CDH4: variants seen among roughly 807,000 people sequenced by gnomAD.
CDH4 encodes the protein cadherin-4.
A neutral mutation model predicts 86.0 loss-of-function variants in CDH4; 33 were observed. The observed-to-expected ratio is 0.38, with a 90% confidence interval of 0.29 to 0.51. The LOEUF (loss-of-function observed/expected upper bound fraction) is 0.51, where lower values mean the gene tolerates loss of function less well. Among genes scored for constraint, CDH4 ranks in the 20% least tolerant of loss-of-function variants. The pLI is 0.86. For synonymous variants in CDH4, 555 were observed against 549.4 expected (o/e 1.01, Z -0.14); for missense variants, 1,114 against 1,307.4 (o/e 0.85, Z 2.28).
At chr20:61,920,227 G>A (rs1740372) in intron 9 of CDH4, among the ~76,000 whole-genome samples, 110,945 of 149,708 alleles carry the variant, frequency 0.74, 43,537 homozygotes, top group Non-Finnish European at 0.88. Context: ...ATGGTGTCAC[G>A]GTGATTGCAT....
intron 2 of CDH4, among the ~76,000 whole-genome samples, chr20:61,399,538 G>A (rs2085038306): frequency 6.6e-6 from 1 of 152,124 alleles, no homozygotes; most frequent in South Asian, 2.1e-4. Flanking sequence ...CTCCCTCTAT[G>A]ACCACCCCAG....
chr20:61,761,438 C>G (rs1400070601), intron 3 of CDH4, among the ~76,000 whole-genome samples: 1 of 152,202 alleles, frequency 6.6e-6, no homozygotes. Flanking sequence ...ATTTCCACGG[C>G]AGACTCCTAT....
intron 2 of CDH4, among the ~76,000 whole-genome samples, chr20:61,525,895 C>T (rs1052950751): frequency 3.3e-5 from 5 of 152,164 alleles, no homozygotes; most frequent in African/African-American, 9.6e-5. Flanking sequence ...GCGGAGCCAC[C>T]GGGAAGGAAA....
chr20:61,272,218 G>A (rs1232070138), intron 2 of CDH4, among the ~76,000 whole-genome samples: 1 of 152,168 alleles, frequency 6.6e-6, no homozygotes, highest in African/African-American at 2.4e-5. Flanking sequence ...GATTCTGGAA[G>A]GATATCAATC....
intron 2 of CDH4, among the ~76,000 whole-genome samples, chr20:61,731,636 G>A (rs560942486): frequency 1.9e-4 from 29 of 152,318 alleles, no homozygotes; most frequent in East Asian, 3.9e-4. Context: ...CCAGCGGGAC[G>A]CCTCCTGCCA....
intron 6 of CDH4, among the ~76,000 whole-genome samples, chr20:61,858,323 GTC>G (rs377560491): frequency 7.3e-4 from 28 of 38,494 alleles, no homozygotes; most frequent in Non-Finnish European, 1.7e-3. Context: ...GTGTGTCTGT[GTC>G]TGTCTGTGTC....
chr20:61,725,727 G>A (rs562689774), intron 2 of CDH4, among the ~76,000 whole-genome samples: 6 of 150,960 alleles, frequency 4.0e-5, no homozygotes, highest in African/African-American at 1.5e-4. Flanking sequence ...CATCTGCAGA[G>A]AGACACAAGG....
chr20:61,824,994 A>G (rs371061593), intron 4 of CDH4, among the ~76,000 whole-genome samples: 23 of 152,294 alleles, frequency 1.5e-4, no homozygotes, highest in African/African-American at 5.5e-4. Flanking sequence ...TTATCCCATA[A>G]CAACAGCTAT....
At chr20:61,263,446 G>T (rs1039288694) in intron 2 of CDH4, among the ~76,000 whole-genome samples, 6 of 152,176 alleles carry the variant, frequency 3.9e-5, no homozygotes, top group African/African-American at 1.4e-4. Flanking sequence ...CAGGAAGGAG[G>T]GGAGGAGCTG....
intron 2 of CDH4, among the ~76,000 whole-genome samples, chr20:61,626,204 C>A (rs866609710): frequency 6.6e-6 from 1 of 152,142 alleles, no homozygotes; most frequent in Non-Finnish European, 1.5e-5. Context: ...ATTGAACTGT[C>A]GACTGGGTCA....
chr20:61,932,774 G>T (rs371396000), intron 13 of CDH4, among the ~76,000 whole-genome samples: 2 of 152,370 alleles, frequency 1.3e-5, no homozygotes, highest in African/African-American at 4.8e-5. Flanking sequence ...ACGCACGTGG[G>T]CCGCACATGT....
intron 8 of CDH4, among the ~76,000 whole-genome samples, chr20:61,899,010 G>C (rs56153427): frequency 0.33 from 50,470 of 152,126 alleles, 9,374 homozygotes; most frequent in Middle Eastern, 0.47. Flanking sequence ...TAAAAGAAGA[G>C]GGAGGGCCGG....
intron 2 of CDH4, among the ~76,000 whole-genome samples, chr20:61,519,088 C>T (rs550157227): frequency 1.3e-5 from 2 of 152,346 alleles, no homozygotes; most frequent in South Asian, 4.1e-4. Context: ...CATCACCCCT[C>T]CAGTGGCCAA....
chr20:61,901,377 ATGT>A (rs2075158426), intron 8 of CDH4, among the ~76,000 whole-genome samples: 1 of 152,258 alleles, frequency 6.6e-6, no homozygotes, highest in Non-Finnish European at 1.5e-5. Context: ...AAAAGCAATA[ATGT>A]TGTAATGTCC....
intron 2 of CDH4, among the ~76,000 whole-genome samples, chr20:61,674,376 A>T (rs1414036758): frequency 6.6e-6 from 1 of 152,204 alleles, no homozygotes; most frequent in Non-Finnish European, 1.5e-5. Flanking sequence ...AAGCAGCATC[A>T]GGCTAAGGAG....
At chr20:61,783,387 C>T (rs1172218539) in intron 4 of CDH4, among the ~76,000 whole-genome samples, 1 of 152,214 alleles carries the variant, frequency 6.6e-6, no homozygotes, top group Non-Finnish European at 1.5e-5. Context: ...TTAAATACAG[C>T]TAAAGTGACA....
intron 4 of CDH4, among the ~76,000 whole-genome samples, chr20:61,831,933 G>A (rs1981636624): frequency 6.6e-6 from 1 of 152,264 alleles, no homozygotes; most frequent in Non-Finnish European, 1.5e-5. Flanking sequence ...AGGACTGGCT[G>A]GAAGCCTCGG....
chr20:61,635,347 G>A (rs112795928), intron 2 of CDH4, among the ~76,000 whole-genome samples: 323 of 152,298 alleles, frequency 2.1e-3, no homozygotes, highest in African/African-American at 7.4e-3. Flanking sequence ...ATTGTGAAAT[G>A]GTGCTGGGGC....
At chr20:61,671,735 T>G (rs1294339463) in intron 2 of CDH4, among the ~76,000 whole-genome samples, 1 of 146,462 alleles carries the variant, frequency 6.8e-6, no homozygotes, top group Non-Finnish European at 1.5e-5. Context: ...GATGGGTGGA[T>G]GGATGATGAA....
Sources: allele counts gnomAD v4.1 joint callset (sites outside exome capture counted in the v4.1 genomes callset), GRCh38; gene constraint gnomAD v4.1.1; transcripts MANE v1.5; gene names NCBI Gene and HGNC (gene_info 2026-07-23, HGNC 2026-07-21).